KIF3A: variants seen among roughly 807,000 people sequenced by gnomAD.
KIF3A encodes the protein kinesin family member 3A, also known as kinesin-like protein KIF3A.
A neutral mutation model predicts 92.6 loss-of-function variants in KIF3A; 27 were observed. That is an observed-to-expected ratio of 0.29 (90% CI 0.21 to 0.40). The LOEUF is 0.40. KIF3A is among the 10% of genes least tolerant of loss of function. The pLI is 1.00. For synonymous variants in KIF3A, 250 were observed against 275.4 expected (o/e 0.91, Z 0.92); for missense variants, 581 against 872.6 (o/e 0.67, Z 4.21).
Position 132,708,132 on chromosome 5 carries a change from A to G in KIF3A, c.1300+775T>C, listed in dbSNP as rs1753283146. On this transcript the variant is annotated intron_variant, in intron 10 of 18. Coordinates refer to ENST00000403231, the MANE Select transcript of KIF3A (RefSeq NM_001300791.2). Reference sequence around the variant, plus strand: ...CCCCGTCTCTACTAAAAATACAAAAATTAGCCAGGAGTGGTGGCGGGCACC... The same window carrying G: ...CCCCGTCTCTACTAAAAATACAAAAGTTAGCCAGGAGTGGTGGCGGGCACC... Among the ~76,000 whole-genome samples the G allele has an allele frequency of 2.0e-5, 3 of 152,174 alleles. No homozygotes were observed. The South Asian group carries it at 6.2e-4, about 32-fold the overall frequency.
chr5:132,723,185 G>T (rs573178289), intron 4 of KIF3A: 1 of 152,110 alleles, frequency 6.6e-6, no homozygotes, highest in Non-Finnish European at 1.5e-5. Context: ...CCATGCTCAC[G>T]GATAGGAAGA....
chr5:132,688,962 T>C (rs1199617443), downstream of KIF3A, among the ~76,000 whole-genome samples: 3 of 152,206 alleles, frequency 2.0e-5, no homozygotes, highest in African/African-American at 7.2e-5. Flanking sequence ...GAATATCTGA[T>C]CTGTCATATT....
chr5:132,725,089 T>C (rs1753994224), intron 4 of KIF3A, among the ~76,000 whole-genome samples: 1 of 151,686 alleles, frequency 6.6e-6, no homozygotes, highest in Non-Finnish European at 1.5e-5. Context: ...CTATAATTAC[T>C]GGTACAAAAA....
Position 132,734,415 on chromosome 5 carries a change from G to A in KIF3A, c.70C>T (p.Leu24Phe), listed in dbSNP as rs771430307. Residue 24 changes from leucine to phenylalanine, a missense_variant, in exon 2 of 19, where the codon CTC (leucine) becomes TTC (phenylalanine). By Grantham distance (22) the Leu-to-Phe change is conservative. Coordinates refer to ENST00000403231, the MANE Select transcript of KIF3A (RefSeq NM_001300791.2). Reference sequence around the variant, plus strand: ...CACATTGATTTCTCTCTCTCATTGAGGGGCCGGCACCTAACAACAACCTTC... The same window carrying A: ...CACATTGATTTCTCTCTCTCATTGAAGGGCCGGCACCTAACAACAACCTTC... ...NVKVVVRCRP[L>F]NEREKSMCYK... is the part of the protein sequence containing the mutation. 3 of 1,614,126 alleles carry A rather than the reference G, an allele frequency of 1.9e-6. No homozygotes were observed. The South Asian group carries it at 3.3e-5, about 18-fold the overall frequency.
Position 132,696,554 on chromosome 5 carries a change from G to T in KIF3A, c.*80C>A. On this transcript the variant is annotated 3_prime_UTR_variant, in exon 19 of 19. Transcript: ENST00000403231. ...TTCCATTAATTGAAATTATAGAGAA[G>T]TCTTCACTGTTTTAATTAAAGATTT... The T allele has an allele frequency of 2.5e-6, 2 of 790,154 alleles. No homozygotes were observed. Among genetic ancestry groups the T allele is most frequent in the South Asian group, 1.6e-5 (1 of 60,802 alleles). 48.9% of individuals were successfully genotyped at this position (790,154 alleles called of 1,614,324 possible). A position where few individuals can be genotyped will look rare whatever the true frequency, so the allele number is the denominator to read the frequency against.
chr5:132,711,110 A>T (rs762992257), intron 8 of KIF3A, 53 bp from the exon 9 acceptor site: 34 of 1,513,804 alleles, frequency 2.2e-5, no homozygotes, highest in Non-Finnish European at 3.0e-5. Context: ...GTCATTAGCT[A>T]TTTAGGAAAT....
chr5:132,735,809 T>C lies in KIF3A; in HGVS notation c.7-1331A>G, dbSNP rs372365098. ...ATAGATCTCAGAACAAAAACCAGAA[T>C]CCTTAAGGTGGTCTGTAAGGTCTGG... On this transcript the variant is annotated intron_variant, in intron 1 of 18. Transcript: ENST00000403231. 9.8e-5 allele frequency among the ~76,000 whole-genome samples: 15 copies of C among 152,328 alleles called. No homozygotes were observed. In the East Asian group the frequency reaches 1.5e-3, roughly 16 times the overall value.
intron 5 of KIF3A, among the ~76,000 whole-genome samples, chr5:132,717,524 T>G (rs1420664578): frequency 6.6e-6 from 1 of 151,264 alleles, no homozygotes; most frequent in African/African-American, 2.4e-5. Context: ...CAATATTCAG[T>G]GCAGCATTAA....
At position 132,699,213 on chromosome 5, in the gene KIF3A, G is replaced by A; in HGVS notation, c.2090C>T (p.Pro697Leu). 3 of 1,613,754 alleles carry A rather than the reference G, an allele frequency of 1.9e-6. No individual in the cohort carries two copies. Among genetic ancestry groups the A allele is most frequent in the Non-Finnish European group, 2.5e-6 (3 of 1,179,784 alleles). The change falls in exon 18 of 19, where the codon CCA becomes CTA. Residue 697 changes from proline (P) to leucine (L), a missense_variant. Pro to Leu is a moderately conservative substitution (Grantham distance 98, BLOSUM62 -3). Coordinates refer to ENST00000403231, the MANE Select transcript of KIF3A (RefSeq NM_001300791.2). ...LRQSLMKLER[P>L]RTSKGKARPK... ...CCTTGCTTTCCCCTTTGAAGTTCGTGGTCTTTCTAGTTTCATCAAAGACTG... is the reference window on the plus strand; with the variant it reads ...CCTTGCTTTCCCCTTTGAAGTTCGTAGTCTTTCTAGTTTCATCAAAGACTG...
chr5:132,736,387 G>C (rs1005328952), intron 1 of KIF3A, among the ~76,000 whole-genome samples: 2 of 152,180 alleles, frequency 1.3e-5, no homozygotes, highest in African/African-American at 4.8e-5. Context: ...CAATTCACCA[G>C]AATCTACTTC....
chr5:132,706,625 G>C (rs1205994470), intron 10 of KIF3A, among the ~76,000 whole-genome samples, 166 bp from the exon 11 acceptor site: 1 of 152,114 alleles, frequency 6.6e-6, no homozygotes, highest in African/African-American at 2.4e-5. Context: ...AACTGAAATA[G>C]AGCCCATGTA....
intron 8 of KIF3A, among the ~76,000 whole-genome samples, chr5:132,714,518 C>T (rs1753546494): frequency 6.6e-6 from 1 of 152,070 alleles, no homozygotes; most frequent in African/African-American, 2.4e-5. Context: ...TGAAATAAGC[C>T]AGTCACAAGT....
chr5:132,703,109 T>C, intron 12 of KIF3A, 44 bp from the exon 13 acceptor site: 1 of 1,482,728 alleles, frequency 6.7e-7, no homozygotes. Context: ...TGATGATCTA[T>C]TATTCTACTA....
chr5:132,719,307 G>A (rs1211281798), intron 5 of KIF3A, among the ~76,000 whole-genome samples: 1 of 152,196 alleles, frequency 6.6e-6, no homozygotes, highest in East Asian at 1.9e-4. Context: ...GTTCTTCTAC[G>A]AATAACATAC....
intron 2 of KIF3A, among the ~76,000 whole-genome samples, chr5:132,729,949 G>A (rs1754166251): frequency 6.6e-6 from 1 of 152,022 alleles, no homozygotes; most frequent in Non-Finnish European, 1.5e-5. Flanking sequence ...AAAACCAAAA[G>A]CTGGTTCTCT....
intron 2 of KIF3A, among the ~76,000 whole-genome samples, chr5:132,733,918 A>G (rs1352276867): frequency 6.6e-6 from 1 of 152,240 alleles, no homozygotes; most frequent in East Asian, 1.9e-4. Context: ...AAGAAAACAG[A>G]TAAAAAAGGT....
chr5:132,724,164 T>C (rs991675981), intron 4 of KIF3A, among the ~76,000 whole-genome samples: 9 of 152,148 alleles, frequency 5.9e-5, no homozygotes, highest in Non-Finnish European at 1.2e-4. Flanking sequence ...TTGGAGAGGA[T>C]GTGGAGAAAC....
At chr5:132,719,254 T>C (rs1359043374) in intron 5 of KIF3A, among the ~76,000 whole-genome samples, 1 of 152,210 alleles carries the variant, frequency 6.6e-6, no homozygotes, top group Non-Finnish European at 1.5e-5. Flanking sequence ...TCCTGATTAG[T>C]TGTGAAGTTA....
At chr5:132,736,977 G>A in intron 1 of KIF3A, 1 of 309,544 alleles carries the variant, frequency 3.2e-6, no homozygotes, top group South Asian at 3.2e-5. Context: ...TCGGAGTATG[G>A]GGCCTGGAAT....
Sources: allele counts gnomAD v4.1 joint callset (sites outside exome capture counted in the v4.1 genomes callset), GRCh38; gene constraint gnomAD v4.1.1; transcripts MANE v1.5; gene names NCBI Gene and HGNC (gene_info 2026-07-23, HGNC 2026-07-21).